Variants in ASTN1 observed in about 807,000 individuals in gnomAD.
ASTN1 encodes the protein astrotactin 1, also known as astrotactin-1.
In ASTN1, 41 loss-of-function variants were observed where a neutral mutation model predicts 140.7. The ratio of observed to expected loss-of-function variants is 0.29; its 90% CI spans 0.23 to 0.38. The LOEUF is 0.38. Among genes scored for constraint, ASTN1 ranks in the 10% least tolerant of loss-of-function variants. The pLI is 1.00. For missense variants in ASTN1, 1,479 were observed against 1,678.8 expected, an observed-to-expected ratio of 0.88 and a Z score of 2.08; for synonymous variants, 640 against 652.2, an observed-to-expected ratio of 0.98 and a Z score of 0.29.
At chr1:177,028,830 T>C (rs1054928726) in intron 5 of ASTN1, among the ~76,000 whole-genome samples, 1 of 152,228 alleles carries the variant, frequency 6.6e-6, no homozygotes, top group Non-Finnish European at 1.5e-5. Context: ...GTTAACTCAT[T>C]TGACATGTGA....
intron 1 of ASTN1, among the ~76,000 whole-genome samples, chr1:177,103,404 A>G (rs1680393147): frequency 6.6e-6 from 1 of 152,142 alleles, no homozygotes; most frequent in Non-Finnish European, 1.5e-5. Context: ...TTGTCCTCTG[A>G]ACTCTCTCAG....
At chr1:177,003,727 G>A (rs555692116) in intron 8 of ASTN1, among the ~76,000 whole-genome samples, 22 of 151,842 alleles carry the variant, frequency 1.4e-4, no homozygotes, top group East Asian at 5.8e-4. Context: ...CAGGAGAATC[G>A]CTTGAACTTG....
In ASTN1 at chr1:176,949,229, G is replaced by C; in HGVS notation, c.2010C>G (p.Pro670=). The change falls in exon 12 of 23, where the codon CCC becomes CCG. Residue 670 remains proline, a synonymous_variant. Transcript: ENST00000361833. ...TATACAAGGTGGGGTCGTCCGGGAA[G>C]GGCGCCATCTGCTGGAGGCACAGCT... ...CEQLCLQQMA[P]FPDDPTLYNI... 6.2e-7 allele frequency: 1 copy of C among 1,614,102 alleles called. No homozygotes were observed. The highest frequency in any genetic ancestry group is 8.5e-7 in the Non-Finnish European group (1 of 1,180,030).
At chr1:177,111,158 T>C (rs548460397) in intron 1 of ASTN1, among the ~76,000 whole-genome samples, 1 of 152,324 alleles carries the variant, frequency 6.6e-6, no homozygotes, top group Admixed American at 6.5e-5. Flanking sequence ...GCCAAGCACT[T>C]GATATCTGAG....
At chr1:177,149,434 ATATATATATAG>A (rs1682905882) in intron 1 of ASTN1, among the ~76,000 whole-genome samples, 1 of 65,996 alleles carries the variant, frequency 1.5e-5, no homozygotes, top group Non-Finnish European at 2.5e-5. Context: ...TATATAGTAA[ATATATATATAG>A]TATATATATA....
intron 12 of ASTN1, among the ~76,000 whole-genome samples, chr1:176,948,043 G>T (rs1455624202): frequency 2.0e-5 from 3 of 152,096 alleles, no homozygotes; most frequent in Non-Finnish European, 4.4e-5. Context: ...ATGTGAAAAT[G>T]GTTCAATTAC....
chr1:177,082,440 T>G (rs1385826962), intron 1 of ASTN1, among the ~76,000 whole-genome samples: 2 of 152,210 alleles, frequency 1.3e-5, no homozygotes, highest in Non-Finnish European at 2.9e-5. Flanking sequence ...TCTCTTTTCT[T>G]TCTTCCACCT....
intron 1 of ASTN1, among the ~76,000 whole-genome samples, chr1:177,086,733 T>G (rs1172864968): frequency 6.6e-6 from 1 of 152,212 alleles, no homozygotes; most frequent in Non-Finnish European, 1.5e-5. Flanking sequence ...ATTGGCAGAA[T>G]AATGTTTATA....
At chr1:177,059,622 T>C (rs968601443) in intron 2 of ASTN1, among the ~76,000 whole-genome samples, 1 of 152,196 alleles carries the variant, frequency 6.6e-6, no homozygotes, top group African/African-American at 2.4e-5. Flanking sequence ...AGGTAACCTA[T>C]CAAGCCAGTT....
chr1:177,113,807 A>G (rs1162239959), intron 1 of ASTN1, among the ~76,000 whole-genome samples: 1 of 152,196 alleles, frequency 6.6e-6, no homozygotes, highest in African/African-American at 2.4e-5. Context: ...CCTAATCTTG[A>G]TAGTTAATTA....
chr1:177,120,130 C>G (rs982445151), intron 1 of ASTN1, among the ~76,000 whole-genome samples: 1 of 152,290 alleles, frequency 6.6e-6, no homozygotes. Context: ...AATGGAGGAG[C>G]AGTGGAGCTC....
intron 9 of ASTN1, among the ~76,000 whole-genome samples, chr1:176,961,898 C>A (rs1366567487): frequency 2.6e-5 from 4 of 152,170 alleles, no homozygotes; most frequent in Non-Finnish European, 5.9e-5. Flanking sequence ...CAGTTGATGG[C>A]TCAGCTGTGC....
intron 8 of ASTN1, among the ~76,000 whole-genome samples, chr1:176,966,561 C>T (rs1672895914): frequency 6.6e-6 from 1 of 152,166 alleles, no homozygotes; most frequent in East Asian, 1.9e-4. Flanking sequence ...AGTTTCAATA[C>T]ACAGTGAATT....
At chr1:177,052,615 A>G (rs1281597319) in intron 2 of ASTN1, among the ~76,000 whole-genome samples, 1 of 152,136 alleles carries the variant, frequency 6.6e-6, no homozygotes, top group African/African-American at 2.4e-5. Context: ...TTGGTTCTCA[A>G]TGACCAGCAT....
At chr1:177,046,374 C>A (rs1344472137) in intron 2 of ASTN1, among the ~76,000 whole-genome samples, 2 of 152,220 alleles carry the variant, frequency 1.3e-5, no homozygotes, top group Non-Finnish European at 2.9e-5. Context: ...GTATCAAATG[C>A]ACTTGGCACA....
chr1:177,051,598 C>A (rs999817588), intron 2 of ASTN1, among the ~76,000 whole-genome samples: 3 of 152,158 alleles, frequency 2.0e-5, no homozygotes, highest in African/African-American at 7.2e-5. Context: ...ATTTACTATA[C>A]CTAAATCTAA....
At chr1:177,046,607 T>C (rs917190428) in intron 2 of ASTN1, among the ~76,000 whole-genome samples, 1 of 152,238 alleles carries the variant, frequency 6.6e-6, no homozygotes, top group East Asian at 1.9e-4. Context: ...AAACTAAAGT[T>C]CCCACTCTGA....
At chr1:177,128,840 G>T (rs1353213687) in intron 1 of ASTN1, among the ~76,000 whole-genome samples, 1 of 152,204 alleles carries the variant, frequency 6.6e-6, no homozygotes, top group Admixed American at 6.5e-5. Flanking sequence ...GGCCTGAGGA[G>T]ATAGCAATCA....
intron 1 of ASTN1, among the ~76,000 whole-genome samples, chr1:177,137,689 C>A (rs1160098444): frequency 1.3e-5 from 2 of 152,218 alleles, no homozygotes; most frequent in Non-Finnish European, 2.9e-5. Flanking sequence ...GGATGCCCAG[C>A]ACCCAAGCTA....
Sources: gnomAD v4.1 joint callset for allele counts (sites outside exome capture counted in the v4.1 genomes callset) on GRCh38, gnomAD v4.1.1 for gene constraint, MANE v1.5 for transcripts, NCBI Gene and HGNC (gene_info 2026-07-23, HGNC 2026-07-21) for gene names.